PRICKLE2: variants seen among roughly 807,000 people sequenced by gnomAD.
PRICKLE2 encodes prickle-like protein 2.
PRICKLE2 carries 21 observed loss-of-function variants against 81.4 expected under a neutral mutation model. The observed-to-expected ratio is 0.26, with a 90% CI of 0.18 to 0.37. PRICKLE2 has a LOEUF of 0.37. Ranked by LOEUF, PRICKLE2 falls within the 10% of genes least tolerant of loss-of-function variation. PRICKLE2 has a pLI of 1.00. For missense variants in PRICKLE2, 940 were observed against 1,109.0 expected (o/e 0.85, Z 2.16); for synonymous variants, 456 against 421.5 (o/e 1.08, Z -1.00).
intron 1 of PRICKLE2, among the ~76,000 whole-genome samples, chr3:64,206,603 G>A (rs926722400): frequency 1.3e-5 from 2 of 152,136 alleles, no homozygotes; most frequent in Admixed American, 1.3e-4. Flanking sequence ...CCTGTGGTGT[G>A]GGCTCCTCTG....
intron 2 of PRICKLE2, among the ~76,000 whole-genome samples, chr3:64,245,494 A>G (rs1409111569): frequency 6.6e-6 from 1 of 152,192 alleles, no homozygotes; most frequent in African/African-American, 2.4e-5. Context: ...GTTTGGAATC[A>G]GTGTCCGCCC....
chr3:64,171,655 A>G (rs899015637), intron 2 of PRICKLE2, among the ~76,000 whole-genome samples: 2 of 152,214 alleles, frequency 1.3e-5, no homozygotes, highest in Non-Finnish European at 2.9e-5. Context: ...TTCAAATCTT[A>G]CCTTTCTAGC....
In PRICKLE2 at chr3:64,206,047, C is replaced by T. The variant is rs141812292; in HGVS notation, c.-40-7080G>A. On this transcript the variant is annotated intron_variant, in intron 1 of 7. Transcript: ENST00000638394. The stretch of plus-strand genomic sequence containing the variant: ...GAAGAAAAAATATAGAGGCTATTAA[C>T]GGCTTTTAAGAAATAAATAATTCCT... Among the ~76,000 whole-genome samples, 444 of 152,292 alleles carry T rather than the reference C, an allele frequency of 2.9e-3. 2 individuals carry two copies. The highest frequency in any genetic ancestry group is 0.01 in the African/African-American group (425 of 41,558).
chr3:64,224,103 A>C (rs968566606), intron 1 of PRICKLE2, among the ~76,000 whole-genome samples: 10 of 152,212 alleles, frequency 6.6e-5, no homozygotes, highest in Non-Finnish European at 1.5e-4. Context: ...CAAGAGCCAC[A>C]TTTGGACCAG....
chr3:64,244,622 G>GTGTT (rs2079318708), intron 2 of PRICKLE2, among the ~76,000 whole-genome samples: 1 of 52,456 alleles, frequency 1.9e-5, no homozygotes, highest in African/African-American at 4.2e-5. Flanking sequence ...GTGTGTGTGT[G>GTGTT]TGTGTGTGTG....
At position 64,099,665 on chromosome 3, in the gene PRICKLE2, G is replaced by C; in HGVS notation, c.1921C>G (p.Gln641Glu). 6.2e-7 allele frequency: 1 copy of C among 1,614,182 alleles called. No individual in the cohort carries two copies. The highest frequency in any genetic ancestry group is 8.5e-7 in the Non-Finnish European group (1 of 1,180,034). The stretch of plus-strand genomic sequence containing the variant: ...ATCCCTCCATCAAAATCAAAGCTCT[G>C]ATGCATCCTTCCGTGGGACTGCAGG... ...RDLQSHGRMHQSFDFDGGMAG... is the reference protein window; with the variant it reads ...RDLQSHGRMHESFDFDGGMAG... Residue 641 changes from glutamine to glutamate, a missense_variant, in exon 8 of 8, where the codon CAG becomes GAG. Gln to Glu is a conservative substitution (Grantham distance 29). Coordinates refer to ENST00000638394, the MANE Select transcript of PRICKLE2 (RefSeq NM_198859.4). The surrounding 1 kb of genome is among the most constrained non-coding windows in gnomAD (Gnocchi z 4.3).
At chr3:64,192,909 A>G (rs1292708606) in intron 2 of PRICKLE2, among the ~76,000 whole-genome samples, 3 of 152,220 alleles carry the variant, frequency 2.0e-5, no homozygotes. Context: ...TGAAAAAGAC[A>G]TCCACTCAGG....
intron 7 of PRICKLE2, among the ~76,000 whole-genome samples, chr3:64,107,913 C>T (rs947197696): frequency 8.5e-5 from 13 of 152,318 alleles, no homozygotes; most frequent in Middle Eastern, 3.4e-3. Flanking sequence ...ATACTGATGA[C>T]GTAGCTCCCT....
At chr3:64,126,449 A>G (rs567286083) in intron 7 of PRICKLE2, among the ~76,000 whole-genome samples, 2 of 152,340 alleles carry the variant, frequency 1.3e-5, no homozygotes, top group Admixed American at 6.5e-5. Flanking sequence ...CAAAACCCAA[A>G]GAAAGGATCC....
chr3:64,213,147 G>A (rs977543567), intron 1 of PRICKLE2, among the ~76,000 whole-genome samples: 2 of 150,560 alleles, frequency 1.3e-5, no homozygotes, highest in Non-Finnish European at 2.9e-5. Flanking sequence ...CGCAATCTCG[G>A]CTCACTGCAA....
At chr3:64,202,645 C>CGT (rs71099794) in intron 1 of PRICKLE2, among the ~76,000 whole-genome samples, 25,057 of 149,298 alleles carry the variant, frequency 0.17, 2,204 homozygotes, top group Non-Finnish European at 0.19. Flanking sequence ...TACTTGTGTG[C>CGT]GTGTGTGTGT....
chr3:64,137,565 A>G (rs576682094), intron 7 of PRICKLE2, among the ~76,000 whole-genome samples: 2 of 152,180 alleles, frequency 1.3e-5, no homozygotes, highest in Non-Finnish European at 2.9e-5. Flanking sequence ...ACACTGGAAA[A>G]GGTTCTCCGG....
chr3:64,151,799 T>C (rs1162058514), intron 6 of PRICKLE2, among the ~76,000 whole-genome samples: 3 of 152,214 alleles, frequency 2.0e-5, no homozygotes, highest in African/African-American at 7.2e-5. Flanking sequence ...AGAAGGTTTA[T>C]CTGTTTGACT....
intron 2 of PRICKLE2, among the ~76,000 whole-genome samples, chr3:64,238,229 G>T (rs528002314): frequency 6.6e-6 from 1 of 152,138 alleles, no homozygotes. Context: ...GCTCACACCC[G>T]TAATCCCAGC....
intron 1 of PRICKLE2, among the ~76,000 whole-genome samples, chr3:64,224,696 C>T (rs2107153581): frequency 6.6e-6 from 1 of 152,268 alleles, no homozygotes; most frequent in South Asian, 2.1e-4. Flanking sequence ...CTTCAGGACT[C>T]CCTAGAGCTG....
At chr3:64,244,486 G>A (rs2079315730) in intron 2 of PRICKLE2, among the ~76,000 whole-genome samples, 1 of 152,120 alleles carries the variant, frequency 6.6e-6, no homozygotes, top group Non-Finnish European at 1.5e-5. Flanking sequence ...GGCCAGGGCT[G>A]ATTTTCAATT....
At chr3:64,135,637 TG>T (rs2106994334) in intron 7 of PRICKLE2, among the ~76,000 whole-genome samples, 1 of 152,014 alleles carries the variant, frequency 6.6e-6, no homozygotes, top group South Asian at 2.1e-4. Context: ...GATTTTGATT[TG>T]GGGTGGGCAG....
chr3:64,110,920 C>T (rs1197848737), intron 7 of PRICKLE2, among the ~76,000 whole-genome samples: 1 of 142,798 alleles, frequency 7.0e-6, no homozygotes. Flanking sequence ...CGAGATCGTG[C>T]CACTGCACTC....
chr3:64,262,161 C>A (rs1210776593), intron 2 of PRICKLE2, among the ~76,000 whole-genome samples: 1 of 152,124 alleles, frequency 6.6e-6, no homozygotes, highest in African/African-American at 2.4e-5. Context: ...CAGGAAGTTA[C>A]CTCAAGCTCC....
Sources: allele counts gnomAD v4.1 joint callset (sites outside exome capture counted in the v4.1 genomes callset), GRCh38; gene constraint gnomAD v4.1.1; non-coding constraint Gnocchi (gnomAD v3.1); transcripts MANE v1.5; gene names NCBI Gene and HGNC (gene_info 2026-07-23, HGNC 2026-07-21).